Variants in TPRG1 observed in about 807,000 individuals in gnomAD.
The protein encoded by TPRG1 is tumor protein p63-regulated gene 1 protein.
TPRG1 carries 29 observed loss-of-function variants against 29.3 expected under a neutral mutation model. That is an observed-to-expected ratio of 0.99 (90% CI 0.74 to 1.35). The LOEUF (loss-of-function observed/expected upper bound fraction) is 1.35. Among genes scored for constraint, TPRG1 ranks in the 40% most tolerant of loss-of-function variants. The probability of loss-of-function intolerance (pLI) is 0.00; values close to 1 mark genes in which losing one functional copy is unlikely to be tolerated. For missense variants in TPRG1, 327 were observed against 335.0 expected (o/e 0.98, Z 0.19); for synonymous variants, 130 against 116.8 (o/e 1.11, Z -0.73).
intron 4 of TPRG1, among the ~76,000 whole-genome samples, chr3:189,045,287 A>G (rs1308461128): frequency 6.6e-6 from 1 of 152,264 alleles, no homozygotes. Context: ...ATTGCAGTGT[A>G]CTCATCAAAG....
chr3:189,279,918 G>A (rs1283682279), intron 4 of TPRG1, among the ~76,000 whole-genome samples: 1 of 152,138 alleles, frequency 6.6e-6, no homozygotes, highest in Non-Finnish European at 1.5e-5. Flanking sequence ...AAAACTGAAT[G>A]TAGTCCTTCA....
At chr3:189,111,171 T>G (rs1204135099) in intron 1 of TPRG1, among the ~76,000 whole-genome samples, 2 of 152,002 alleles carry the variant, frequency 1.3e-5, no homozygotes, top group Non-Finnish European at 2.9e-5. Flanking sequence ...TGGGGGAAAT[T>G]AACATATTAA....
In TPRG1 at chr3:189,243,545, CT is replaced by C. The variant is rs34552708; in HGVS notation, c.479+4646del. ...CCTGAATTCTTCCCCTGAAAATTGG[CT>C]TTTTTTTTTCCTACCATATGGCCAG... On this transcript the variant is annotated intron_variant, in intron 4 of 5. Transcript: ENST00000345063. 5.7e-3 allele frequency among the ~76,000 whole-genome samples: 851 copies of C among 149,948 alleles called. 3 individuals carry two copies. The highest frequency in any genetic ancestry group is 0.019 in the African/African-American group (774 of 40,990).
chr3:189,206,657 T>C (rs966831894), intron 1 of TPRG1, among the ~76,000 whole-genome samples: 13 of 151,944 alleles, frequency 8.6e-5, no homozygotes, highest in African/African-American at 3.1e-4. Context: ...CATTCCGCCA[T>C]GTCTGGCTAA....
At chr3:189,276,726 G>A (rs994816120) in intron 4 of TPRG1, among the ~76,000 whole-genome samples, 3 of 152,112 alleles carry the variant, frequency 2.0e-5, no homozygotes, top group Non-Finnish European at 4.4e-5. Context: ...TTGGCTCATG[G>A]CTGTTCTAAA....
At chr3:189,302,928 G>A (rs1721063605) in intron 4 of TPRG1, among the ~76,000 whole-genome samples, 1 of 152,190 alleles carries the variant, frequency 6.6e-6, no homozygotes, top group Non-Finnish European at 1.5e-5. Flanking sequence ...AATGTTGATA[G>A]CAGCAAGAAA....
intron 4 of TPRG1, among the ~76,000 whole-genome samples, chr3:189,281,345 A>T (rs1367625371): frequency 3.3e-5 from 5 of 152,148 alleles, no homozygotes; most frequent in Non-Finnish European, 1.5e-5. Context: ...TTTATTGATT[A>T]AAAAAATGGG....
intron 5 of TPRG1, among the ~76,000 whole-genome samples, chr3:189,161,884 G>C (rs1308020870): frequency 6.6e-6 from 1 of 152,222 alleles, no homozygotes; most frequent in Non-Finnish European, 1.5e-5. Context: ...GGTGTGAAGA[G>C]AAATGGAGAG....
chr3:189,272,806 C>G (rs1282203099), intron 4 of TPRG1, among the ~76,000 whole-genome samples: 4 of 150,608 alleles, frequency 2.7e-5, no homozygotes, highest in Non-Finnish European at 5.9e-5. Context: ...AGGCTCAATA[C>G]TAAATAGGAT....
intron 4 of TPRG1, among the ~76,000 whole-genome samples, chr3:189,301,264 A>C (rs1720786494): frequency 7.6e-6 from 1 of 132,282 alleles, no homozygotes; most frequent in Non-Finnish European, 1.5e-5. Context: ...CTGCCACTGC[A>C]CTCCAGCCTG....
chr3:189,286,632 G>A (rs1411608360), intron 4 of TPRG1, among the ~76,000 whole-genome samples: 1 of 152,136 alleles, frequency 6.6e-6, no homozygotes, highest in Admixed American at 6.6e-5. Context: ...TTGGGACTGG[G>A]AGAAGGATGG....
At chr3:189,249,243 C>T (rs920944849) in intron 4 of TPRG1, among the ~76,000 whole-genome samples, 2 of 151,520 alleles carry the variant, frequency 1.3e-5, no homozygotes, top group Non-Finnish European at 3.0e-5. Flanking sequence ...ATTTCTTTTA[C>T]TCTAGTGACT....
At chr3:189,318,423 T>TA (rs1264255574) in intron 5 of TPRG1, among the ~76,000 whole-genome samples, 1 of 152,166 alleles carries the variant, frequency 6.6e-6, no homozygotes, top group Admixed American at 6.6e-5. Context: ...TTGTGGAAGA[T>TA]ACAGGATTTA....
intron 4 of TPRG1, among the ~76,000 whole-genome samples, chr3:189,080,211 T>G (rs78690092): frequency 0.024 from 3,651 of 152,036 alleles, 130 homozygotes; most frequent in African/African-American, 0.08. Flanking sequence ...TTAAATAGAG[T>G]GAGTTTTAAT....
chr3:189,243,031 G>A (rs955211038), intron 4 of TPRG1, among the ~76,000 whole-genome samples: 2 of 151,490 alleles, frequency 1.3e-5, no homozygotes, highest in Admixed American at 1.3e-4. Context: ...TCCTCATATT[G>A]GTGATTTTAT....
At position 189,322,024 on chromosome 3, in the gene TPRG1, T is replaced by C. The variant is rs1724366064; in HGVS notation, c.*1204T>C. 6.6e-6 allele frequency: 1 copy of C among 152,034 alleles called. No individual in the cohort carries two copies. Among genetic ancestry groups the C allele is most frequent in the African/African-American group, 2.4e-5 (1 of 41,414 alleles). 9.4% of individuals were successfully genotyped at this position (152,034 alleles called of 1,614,324 possible). A position where few individuals can be genotyped will look rare whatever the true frequency, so the allele number is the denominator to read the frequency against. On this transcript the variant is annotated 3_prime_UTR_variant, in exon 6 of 6. Transcript: ENST00000345063. Reference sequence around the variant, plus strand: ...CAACAACCCAGGAAATTATCTCATATGTTTGCATCTCTCAAGTTTCTTTTC... The same window carrying C: ...CAACAACCCAGGAAATTATCTCATACGTTTGCATCTCTCAAGTTTCTTTTC...
chr3:189,002,371 T>G (rs904504186), intron 2 of TPRG1, among the ~76,000 whole-genome samples: 2 of 152,172 alleles, frequency 1.3e-5, no homozygotes, highest in African/African-American at 4.8e-5. Flanking sequence ...ACAGGGATTT[T>G]CTTACACTTA....
At chr3:189,101,271 A>G (rs1440975673) in intron 1 of TPRG1, among the ~76,000 whole-genome samples, 4 of 152,096 alleles carry the variant, frequency 2.6e-5, no homozygotes, top group Admixed American at 2.0e-4. Context: ...GGTCTCCCCT[A>G]CTTGTTGGAA....
chr3:189,093,788 G>C (rs1718496137), intron 4 of TPRG1, among the ~76,000 whole-genome samples: 1 of 152,082 alleles, frequency 6.6e-6, no homozygotes, highest in South Asian at 2.1e-4. Context: ...GTTTGTAAAG[G>C]CATTTGTTTT....
Sources: gnomAD v4.1 joint callset for allele counts (sites outside exome capture counted in the v4.1 genomes callset) on GRCh38, gnomAD v4.1.1 for gene constraint, MANE v1.5 for transcripts, NCBI Gene and HGNC (gene_info 2026-07-23, HGNC 2026-07-21) for gene names.